SKOR2: variants seen among roughly 807,000 people sequenced by gnomAD.
The protein encoded by SKOR2 is SKI family transcriptional corepressor 2, also known as LBX1 corepressor 1-like protein.
Under a neutral mutation model 69.1 loss-of-function variants are expected in SKOR2, and 47 were observed. That is an observed-to-expected ratio of 0.68 (90% confidence interval 0.54 to 0.87). The LOEUF is 0.87. Ranked by LOEUF, SKOR2 falls within the 40% of genes least tolerant of loss-of-function variation. SKOR2 has a pLI of 0.00. For missense variants in SKOR2, 1,404 were observed against 1,472.2 expected, an observed-to-expected ratio of 0.95 and a Z score of 0.76; for synonymous variants, 717 against 672.6, an observed-to-expected ratio of 1.07 and a Z score of -1.02.
intron 8 of SKOR2, 31 bp downstream of exon 8, chr18:47,212,055 T>G: frequency 8.1e-7 from 1 of 1,230,932 alleles, no homozygotes. Context: ...TACAGAGAGT[T>G]AAGAAAATCT....
intron 4 of SKOR2, among the ~76,000 whole-genome samples, chr18:47,233,055 A>ATG (rs138392837): frequency 6.5e-4 from 98 of 151,686 alleles, no homozygotes; most frequent in Middle Eastern, 6.8e-3. Flanking sequence ...GTGTTTGTGC[A>ATG]TGTGTGTGTG....
chr18:47,207,536 A>G (rs1476765817), intron 8 of SKOR2, among the ~76,000 whole-genome samples: 1 of 152,146 alleles, frequency 6.6e-6, no homozygotes, highest in Non-Finnish European at 1.5e-5. Context: ...TACTTACCTC[A>G]GTGTGTTGGT....
At position 47,247,847 on chromosome 18, in the gene SKOR2, G is replaced by A; in HGVS notation, c.1337C>T (p.Pro446Leu). Residue 446 changes from proline to leucine, a missense_variant, in exon 2 of 9, where the codon CCC becomes CTC. Coordinates refer to ENST00000425639, the MANE Select transcript of SKOR2 (RefSeq NM_001278063.4). This position sits in a 1 kb window ranked among gnomAD's most constrained non-coding sequence, Gnocchi z 6.6. ...GAGAGGAGAA[P>L]KAGLSGLFWP... ...GAAGAGGCCGGACAAGCCGGCCTTG[G>A]GCGCCGCGCCCGCGCCGCCTGCGCC... 7.3e-7 allele frequency: 1 copy of A among 1,365,042 alleles called. No individual in the cohort carries two copies. The highest frequency in any genetic ancestry group is 9.4e-7 in the Non-Finnish European group (1 of 1,069,240). The allele number at this position is 1,365,042 out of a possible 1,614,324, so 84.6% of individuals were successfully genotyped here.
intron 7 of SKOR2, among the ~76,000 whole-genome samples, chr18:47,212,823 A>C (rs1203768109): frequency 6.6e-6 from 1 of 152,006 alleles, no homozygotes; most frequent in Non-Finnish European, 1.5e-5. Flanking sequence ...AAATTAAAAA[A>C]TTAGCCAAGT....
In SKOR2 at chr18:47,248,463, T is replaced by A; in HGVS notation, c.721A>T (p.Lys241Ter). 6.5e-7 allele frequency: 1 copy of A among 1,530,104 alleles called. No homozygotes were observed. Among genetic ancestry groups the A allele is most frequent in the South Asian group, 1.2e-5 (1 of 83,964 alleles). 94.8% of individuals were successfully genotyped at this position (1,530,104 alleles called of 1,614,324 possible). The change falls in exon 2 of 9, where the codon AAG (lysine) becomes TAG (stop). Residue 241 changes from lysine to a stop codon, truncating the protein, a stop_gained. Coordinates refer to ENST00000425639, the MANE Select transcript of SKOR2 (RefSeq NM_001278063.4). LOFTEE classifies it high-confidence loss of function. This position sits in a 1 kb window ranked among gnomAD's most constrained non-coding sequence, Gnocchi z 6.4. ...GCGCCCGGCTGGGGCAGTGCGCGCT[T>A]GCGGCTGCCGCCGTTGAACATGGCC... ...VKAMFNGGSR[K>*]RALPQPGAHP...
chr18:47,241,970 C>T (rs74540703), intron 4 of SKOR2, among the ~76,000 whole-genome samples: 12 of 152,190 alleles, frequency 7.9e-5, no homozygotes, highest in African/African-American at 2.6e-4. Context: ...AACTATTGAC[C>T]GCACTGCCCT....
chr18:47,242,916 C>T (rs1444258751), intron 4 of SKOR2, among the ~76,000 whole-genome samples: 2 of 152,140 alleles, frequency 1.3e-5, no homozygotes, highest in Non-Finnish European at 2.9e-5. Flanking sequence ...CATCCTGCCT[C>T]TGAATGGGTC....
At chr18:47,213,227 A>C (rs977526266) in intron 7 of SKOR2, among the ~76,000 whole-genome samples, 2 of 151,876 alleles carry the variant, frequency 1.3e-5, no homozygotes, top group Non-Finnish European at 2.9e-5. Flanking sequence ...TACAAGGCTA[A>C]ACTCAGGGCT....
chr18:47,210,596 T>C (rs1189379863), intron 8 of SKOR2, among the ~76,000 whole-genome samples: 2 of 152,346 alleles, frequency 1.3e-5, no homozygotes, highest in Non-Finnish European at 2.9e-5. Flanking sequence ...CAGTGGAATC[T>C]AAATGTTCTA....
chr18:47,219,912 G>T, intron 7 of SKOR2, 31 bp downstream of exon 7: 1 of 1,520,110 alleles, frequency 6.6e-7, no homozygotes, highest in Non-Finnish European at 8.8e-7. Flanking sequence ...CAATTAAGTT[G>T]CATTTATTTT....
At chr18:47,207,498 C>T (rs753301099) in intron 8 of SKOR2, among the ~76,000 whole-genome samples, 13 of 152,134 alleles carry the variant, frequency 8.5e-5, no homozygotes, top group Non-Finnish European at 1.5e-4. Flanking sequence ...CTTTAGCCTT[C>T]TCAGCTGTAG....
chr18:47,229,119 T>C (rs1204773389), intron 6 of SKOR2, among the ~76,000 whole-genome samples: 1 of 152,232 alleles, frequency 6.6e-6, no homozygotes, highest in Non-Finnish European at 1.5e-5. Flanking sequence ...GCTACCTAAG[T>C]GTGTCATTCA....
chr18:47,212,229 G>A, intron 7 of SKOR2, 78 bp from the exon 8 acceptor site: 3 of 1,187,310 alleles, frequency 2.5e-6, no homozygotes, highest in South Asian at 4.3e-5. Context: ...CCTTCATCAT[G>A]CCTAACAATT....
intron 6 of SKOR2, among the ~76,000 whole-genome samples, chr18:47,223,917 T>C (rs780907026): frequency 7.8e-6 from 1 of 128,924 alleles, no homozygotes; most frequent in African/African-American, 3.0e-5. Context: ...TTTTTTTTTT[T>C]AAATTTGAGG....
chr18:47,240,940 T>C (rs1053547588), intron 4 of SKOR2, among the ~76,000 whole-genome samples: 46 of 152,332 alleles, frequency 3.0e-4, no homozygotes, highest in African/African-American at 1.1e-3. Flanking sequence ...TATATAAGCA[T>C]AGAAATAAAA....
chr18:47,230,668 A>G, intron 5 of SKOR2, 111 bp from the exon 6 acceptor site: 1 of 715,766 alleles, frequency 1.4e-6, no homozygotes, highest in East Asian at 2.9e-5. Flanking sequence ...CAGTTTAAAA[A>G]GTGTTGCATA....
In SKOR2 at chr18:47,212,073, C is replaced by T. The variant is rs1029896180; in HGVS notation, c.*3+13G>A. 1.1e-5 allele frequency: 14 copies of T among 1,231,838 alleles called. No individual in the cohort carries two copies. The highest frequency in any genetic ancestry group is 1.4e-5 in the Non-Finnish European group (14 of 987,838). The allele number at this position is 1,231,838 out of a possible 1,614,324, so 76.3% of individuals were successfully genotyped here. A position where few individuals can be genotyped will look rare whatever the true frequency, so the allele number is the denominator to read the frequency against. ...AGAGAGTTAAGAAAATCTCTTTCCT[C>T]TGGTGATCTTACCTTTTAGCTTTTG... On this transcript the variant is annotated intron_variant, in intron 8 of 8. Transcript: ENST00000425639.
At position 47,248,110 on chromosome 18, in the gene SKOR2, G is replaced by T; in HGVS notation, c.1074C>A (p.Ala358=). 1 of 1,337,360 alleles carries T rather than the reference G, an allele frequency of 7.5e-7. No individual in the cohort carries two copies. Among genetic ancestry groups the T allele is most frequent in the Non-Finnish European group, 9.5e-7 (1 of 1,049,458 alleles). The allele number at this position is 1,337,360 out of a possible 1,614,324, so 82.8% of individuals were successfully genotyped here. The change falls in exon 2 of 9, where the codon GCC becomes GCA. Residue 358 remains alanine, a synonymous_variant. Coordinates refer to ENST00000425639, the MANE Select transcript of SKOR2 (RefSeq NM_001278063.4). The surrounding 1 kb of genome is among the most constrained non-coding windows in gnomAD (Gnocchi z 6.4). ...CCGCGCCCGCGCCCACGCCCACGCCGGCCACACAGCCACCCCCAGCGCCGC... is the reference window on the plus strand; with the variant it reads ...CCGCGCCCGCGCCCACGCCCACGCCTGCCACACAGCCACCCCCAGCGCCGC... ...GGGGAGGGCV[A]GVGVGAGAGA...
Position 47,227,326 on chromosome 18 carries a change from A to ATTT in SKOR2, c.2917+3130_2917+3132dup, listed in dbSNP as rs778462203. 3.3e-3 allele frequency among the ~76,000 whole-genome samples: 297 copies of ATTT among 91,130 alleles called. 18 individuals are homozygous for ATTT. Among genetic ancestry groups the ATTT allele is most frequent in the Middle Eastern group, 7.0e-3 (1 of 142 alleles). 59.8% of individuals were successfully genotyped at this position (91,130 alleles called of 152,430 possible). A position where few individuals can be genotyped will look rare whatever the true frequency, so the allele number is the denominator to read the frequency against. ...CCCTTGGAACCACGACAAGAAGCCA[A>ATTT]TTTTTTTTTTTTTTTTTTTTTTTTT... is the stretch of plus-strand genomic sequence containing the variant. On this transcript the variant is annotated intron_variant, in intron 6 of 8. Coordinates refer to ENST00000425639, the MANE Select transcript of SKOR2 (RefSeq NM_001278063.4).
Sources: gnomAD v4.1 joint callset for allele counts (sites outside exome capture counted in the v4.1 genomes callset) on GRCh38, gnomAD v4.1.1 for gene constraint, Gnocchi (gnomAD v3.1) non-coding constraint, MANE v1.5 for transcripts, NCBI Gene and HGNC (gene_info 2026-07-23, HGNC 2026-07-21) for gene names.